IGSF11: variants seen among roughly 807,000 people sequenced by gnomAD.
IGSF11 encodes CXADR like 1.
In IGSF11, 22 loss-of-function variants were observed where a neutral mutation model predicts 41.0. That is an observed-to-expected ratio of 0.54 (90% confidence interval 0.38 to 0.77). IGSF11 has a LOEUF of 0.77. Ranked by LOEUF, IGSF11 falls within the 30% of genes least tolerant of loss-of-function variation. The probability of loss-of-function intolerance (pLI) is 0.00; values close to 1 mark genes in which losing one functional copy is unlikely to be tolerated. For synonymous variants in IGSF11, 219 were observed against 201.3 expected, an observed-to-expected ratio of 1.09 and a Z score of -0.74; for missense variants, 444 against 530.8, an observed-to-expected ratio of 0.84 and a Z score of 1.61.
chr3:118,923,537 C>T (rs374856998), intron 4 of IGSF11, among the ~76,000 whole-genome samples: 48 of 152,210 alleles, frequency 3.2e-4, no homozygotes, highest in African/African-American at 1.1e-3. Flanking sequence ...TATTTCTTTT[C>T]CTGTTCAGAT....
chr3:118,975,618 A>T (rs1469045962), intron 1 of IGSF11, among the ~76,000 whole-genome samples: 2 of 152,202 alleles, frequency 1.3e-5, no homozygotes, highest in East Asian at 3.8e-4. Context: ...GAATCAACCT[A>T]GGTGGCCATC....
chr3:119,062,444 G>A (rs1487221675), intron 1 of IGSF11, among the ~76,000 whole-genome samples: 5 of 152,088 alleles, frequency 3.3e-5, no homozygotes, highest in African/African-American at 7.2e-5. Context: ...AATTTGCACC[G>A]CTCTTGTGCA....
At chr3:119,008,230 A>G (rs1161925516) in intron 1 of IGSF11, among the ~76,000 whole-genome samples, 1 of 121,640 alleles carries the variant, frequency 8.2e-6, no homozygotes. Context: ...CACAAAAGAA[A>G]AAGCCACATT....
chr3:119,055,540 C>T (rs778115818), intron 1 of IGSF11, among the ~76,000 whole-genome samples: 1 of 152,188 alleles, frequency 6.6e-6, no homozygotes, highest in Non-Finnish European at 1.5e-5. Flanking sequence ...TAACAACCCA[C>T]TGTCAACATT....
At chr3:119,012,034 A>G (rs1559789725) in intron 1 of IGSF11, among the ~76,000 whole-genome samples, 1 of 152,074 alleles carries the variant, frequency 6.6e-6, no homozygotes, top group African/African-American at 2.4e-5. Context: ...ACACACAGAG[A>G]GAGAGAGAGA....
At chr3:119,120,053 T>C (rs929469012) in intron 1 of IGSF11, among the ~76,000 whole-genome samples, 1 of 152,198 alleles carries the variant, frequency 6.6e-6, no homozygotes, top group East Asian at 1.9e-4. Context: ...ATGGCATCAG[T>C]CATTCGTCTC....
At chr3:119,007,343 A>G (rs1163854137) in intron 1 of IGSF11, among the ~76,000 whole-genome samples, 2 of 141,888 alleles carry the variant, frequency 1.4e-5, no homozygotes, top group South Asian at 2.3e-4. Flanking sequence ...GCGCGCACTC[A>G]CTGGCCTGCG....
At chr3:119,055,005 G>A (rs1046314086) in intron 1 of IGSF11, among the ~76,000 whole-genome samples, 3 of 152,196 alleles carry the variant, frequency 2.0e-5, no homozygotes, top group Non-Finnish European at 2.9e-5. Flanking sequence ...TCAGGCAGCA[G>A]CATTGGCGGT....
chr3:119,110,549 G>T (rs920562229), intron 1 of IGSF11, among the ~76,000 whole-genome samples: 28 of 152,078 alleles, frequency 1.8e-4, no homozygotes, highest in Non-Finnish European at 4.0e-4. Context: ...TATCCAATTT[G>T]CCAGTCTGTG....
chr3:118,930,327 A>C, intron 1 of IGSF11, 52 bp from the exon 2 acceptor site: 1 of 1,528,900 alleles, frequency 6.5e-7, no homozygotes, highest in South Asian at 1.3e-5. Context: ...CCAACAGTCC[A>C]AACTCCTTCA....
At chr3:119,083,500 A>C (rs2076618109) in intron 1 of IGSF11, among the ~76,000 whole-genome samples, 1 of 116,728 alleles carries the variant, frequency 8.6e-6, no homozygotes, top group Non-Finnish European at 1.7e-5. Context: ...TCTTACCACA[A>C]AGATCACACA....
At position 118,902,336 on chromosome 3, in the gene IGSF11, G is replaced by T; in HGVS notation, c.*184C>A. The T allele has an allele frequency of 3.6e-6, 2 of 559,160 alleles. No individual in the cohort carries two copies. The highest frequency in any genetic ancestry group is 5.0e-5 in the South Asian group (2 of 40,078). 34.6% of individuals were successfully genotyped at this position (559,160 alleles called of 1,614,324 possible). On this transcript the variant is annotated 3_prime_UTR_variant, in exon 7 of 7. Transcript: ENST00000393775. ...CTTTGGTGGGGAAGCAAGTCTTCAT[G>T]ATGGAGCATTTCAGTCCATTTTACA...
At chr3:118,962,470 T>C (rs1482930032) in intron 1 of IGSF11, among the ~76,000 whole-genome samples, 1 of 152,164 alleles carries the variant, frequency 6.6e-6, no homozygotes, top group African/African-American at 2.4e-5. Context: ...TAATCTACTC[T>C]GGTTGTCAAG....
chr3:119,110,738 C>T (rs902753707), intron 1 of IGSF11, among the ~76,000 whole-genome samples: 8 of 152,066 alleles, frequency 5.3e-5, no homozygotes, highest in Non-Finnish European at 1.0e-4. Context: ...CCAGTTGTTC[C>T]TTTCCATGTT....
At chr3:118,961,539 A>G (rs997454530) in intron 1 of IGSF11, among the ~76,000 whole-genome samples, 1 of 152,238 alleles carries the variant, frequency 6.6e-6, no homozygotes, top group African/African-American at 2.4e-5. Context: ...TTAACCACAC[A>G]GTGAATAAGT....
chr3:118,907,242 G>A (rs1449531009), intron 4 of IGSF11, among the ~76,000 whole-genome samples: 1 of 152,164 alleles, frequency 6.6e-6, no homozygotes, highest in Non-Finnish European at 1.5e-5. Flanking sequence ...GACACGAGGA[G>A]TCAGCAAAAG....
At chr3:119,106,975 A>C (rs1197453206), upstream of IGSF11, among the ~76,000 whole-genome samples, 6 of 151,996 alleles carry the variant, frequency 3.9e-5, no homozygotes, top group African/African-American at 1.2e-4. Context: ...ATTTTCTTAA[A>C]CCAGTCTATC....
At chr3:119,023,655 A>G (rs923092245) in intron 1 of IGSF11, among the ~76,000 whole-genome samples, 2 of 152,200 alleles carry the variant, frequency 1.3e-5, no homozygotes, top group African/African-American at 4.8e-5. Flanking sequence ...AGTTTTGTGA[A>G]GTTTAACCTA....
At chr3:119,010,890 T>A (rs1020603491) in intron 1 of IGSF11, among the ~76,000 whole-genome samples, 17 of 152,206 alleles carry the variant, frequency 1.1e-4, no homozygotes, top group Non-Finnish European at 2.5e-4. Context: ...AAACAGGACA[T>A]CTGGCTCTCT....
Sources: gnomAD v4.1 joint callset for allele counts (sites outside exome capture counted in the v4.1 genomes callset) on GRCh38, gnomAD v4.1.1 for gene constraint, MANE v1.5 for transcripts, NCBI Gene and HGNC (gene_info 2026-07-23, HGNC 2026-07-21) for gene names.